Variants in BLTP3B observed in about 807,000 individuals in gnomAD.
BLTP3B encodes bridge-like lipid transfer protein family member 3B.
chr12:100,137,934 T>C, the BLTP3B span, among the ~76,000 whole-genome samples: 1 of 152,114 alleles, frequency 6.6e-6, no homozygotes, highest in East Asian at 1.9e-4. Context: ...GAACCATGGG[T>C]AGACAAAACT....
chr12:100,075,489 G>A, the BLTP3B span, among the ~76,000 whole-genome samples: 4 of 152,084 alleles, frequency 2.6e-5, no homozygotes, highest in African/African-American at 9.7e-5. Context: ...ATAGACAAGT[G>A]AGACCTCATT....
At chr12:100,057,521 C>A in the BLTP3B span, 1 of 1,475,258 alleles carries the variant, frequency 6.8e-7, no homozygotes, top group South Asian at 1.4e-5. Context: ...CCCTTTTCTC[C>A]TAAGGTGTAT....
At chr12:100,059,718 A>T in the BLTP3B span, 1 of 1,132,184 alleles carries the variant, frequency 8.8e-7, no homozygotes, top group Admixed American at 3.1e-5. Context: ...GGGGACTTAC[A>T]TGACCACTAA....
the BLTP3B span, among the ~76,000 whole-genome samples, chr12:100,078,012 T>C: frequency 1.3e-5 from 2 of 152,174 alleles, no homozygotes; most frequent in African/African-American, 4.8e-5. Flanking sequence ...ACCCTGCTCC[T>C]GGGAAGCAAC....
At chr12:100,106,031 C>G in the BLTP3B span, among the ~76,000 whole-genome samples, 1 of 151,996 alleles carries the variant, frequency 6.6e-6, no homozygotes, top group Non-Finnish European at 1.5e-5. Flanking sequence ...GCCAGAATGG[C>G]CATTACTAAA....
chr12:100,098,915 T>C, the BLTP3B span, among the ~76,000 whole-genome samples: 2 of 141,556 alleles, frequency 1.4e-5, no homozygotes, highest in Non-Finnish European at 1.5e-5. Context: ...TCTAAAAATA[T>C]AGACAGATAG....
At chr12:100,086,222 C>A in the BLTP3B span, 1 of 1,119,392 alleles carries the variant, frequency 8.9e-7, no homozygotes, top group Non-Finnish European at 1.2e-6. Context: ...AATAAATTAG[C>A]TATATAATTT....
the BLTP3B span, among the ~76,000 whole-genome samples, chr12:100,044,576 T>C: frequency 6.6e-6 from 1 of 152,086 alleles, no homozygotes; most frequent in East Asian, 1.9e-4. Context: ...AGAGTGGAGA[T>C]GCAAACATTA....
the BLTP3B span, chr12:100,108,665 A>G: frequency 2.6e-6 from 2 of 780,496 alleles, no homozygotes; most frequent in Middle Eastern, 3.8e-4. Context: ...CATAATGTCC[A>G]TCAACGACAA....
At chr12:100,042,679 T>C in the BLTP3B span, among the ~76,000 whole-genome samples, 1 of 152,242 alleles carries the variant, frequency 6.6e-6, no homozygotes, top group Non-Finnish European at 1.5e-5. Context: ...GAAATTGCCA[T>C]AGCCACCCCA....
the BLTP3B span, among the ~76,000 whole-genome samples, chr12:100,078,964 C>A: frequency 6.6e-6 from 1 of 152,184 alleles, no homozygotes; most frequent in East Asian, 1.9e-4. Context: ...AGTTTCCCTG[C>A]ACAAGCTCTC....
At chr12:100,133,190 C>T in the BLTP3B span, among the ~76,000 whole-genome samples, 5 of 151,418 alleles carry the variant, frequency 3.3e-5, no homozygotes, top group Non-Finnish European at 7.4e-5. Flanking sequence ...TGCAGTGAGC[C>T]GAGATCACAC....
At chr12:100,067,535 G>T in the BLTP3B span, among the ~76,000 whole-genome samples, 1 of 151,976 alleles carries the variant, frequency 6.6e-6, no homozygotes, top group Non-Finnish European at 1.5e-5. Context: ...AATACAAAAG[G>T]TCATTCAAGG....
the BLTP3B span, among the ~76,000 whole-genome samples, chr12:100,103,599 A>C: frequency 6.6e-6 from 1 of 152,188 alleles, no homozygotes. Flanking sequence ...AGGAGAAACA[A>C]AGACAGTCTG....
chr12:100,058,051 G>C, the BLTP3B span: 1 of 1,571,530 alleles, frequency 6.4e-7, no homozygotes, highest in African/African-American at 1.4e-5. Context: ...TGTGATTTAA[G>C]TGTTCTAACT....
chr12:100,055,453 G>C, the BLTP3B span, among the ~76,000 whole-genome samples: 1 of 151,940 alleles, frequency 6.6e-6, no homozygotes, highest in Non-Finnish European at 1.5e-5. Context: ...GAGATGGGAG[G>C]ATCACCTGAG....
At chr12:100,126,403 T>A in the BLTP3B span, among the ~76,000 whole-genome samples, 20 of 151,968 alleles carry the variant, frequency 1.3e-4, no homozygotes, top group Admixed American at 1.3e-3. Context: ...TCAATGTTTT[T>A]CCCACAGTGC....
At chr12:100,130,132 G>C in the BLTP3B span, among the ~76,000 whole-genome samples, 8 of 152,252 alleles carry the variant, frequency 5.3e-5, no homozygotes, top group Non-Finnish European at 1.0e-4. Context: ...TAATTGTTTT[G>C]TATTTTTAGC....
the BLTP3B span, chr12:100,128,825 TG>T: frequency 9.6e-7 from 1 of 1,041,736 alleles, no homozygotes; most frequent in Non-Finnish European, 1.2e-6. Flanking sequence ...TGGTGCCCTT[TG>T]GAAAAAAAAA....
Sources: allele counts gnomAD v4.1 joint callset (sites outside exome capture counted in the v4.1 genomes callset), GRCh38; gene constraint gnomAD v4.1.1; transcripts MANE v1.5; gene names NCBI Gene and HGNC (gene_info 2026-07-23, HGNC 2026-07-21).